Variants in CIT observed in about 807,000 individuals in gnomAD.
The protein encoded by CIT is citron Rho-interacting kinase.
Under a neutral mutation model 272.7 loss-of-function variants are expected in CIT, and 79 were observed. The observed-to-expected ratio is 0.29, with a 90% confidence interval of 0.24 to 0.35. The LOEUF is 0.35. Ranked by LOEUF, CIT falls within the 10% of genes least tolerant of loss-of-function variation. The pLI is 1.00. For missense variants in CIT, 1,909 were observed against 2,618.3 expected (o/e 0.73, Z 5.91); for synonymous variants, 948 against 995.6 (o/e 0.95, Z 0.90).
chr12:119,718,167 T>C lies in CIT; in HGVS notation c.4168+78A>G, dbSNP rs1565934836. On this transcript the variant is annotated intron_variant, in intron 32 of 47. Coordinates refer to ENST00000392521, the MANE Select transcript of CIT (RefSeq NM_001206999.2). The surrounding 1 kb of genome is among the most constrained non-coding windows in gnomAD (Gnocchi z 4.8). ...GACTGACTTTTTAATCTTTAACCCCTAGTATTACTTGTAATTTTTACCATA... is the reference window on the plus strand; with the variant it reads ...GACTGACTTTTTAATCTTTAACCCCCAGTATTACTTGTAATTTTTACCATA... 2.0e-6 allele frequency: 3 copies of C among 1,478,490 alleles called. No homozygotes were observed. Among genetic ancestry groups the C allele is most frequent in the Middle Eastern group, 1.8e-4 (1 of 5,618 alleles). The allele number at this position is 1,478,490 out of a possible 1,614,324, so 91.6% of individuals were successfully genotyped here.
chr12:119,867,707 C>A (rs1310223587), intron 3 of CIT, among the ~76,000 whole-genome samples: 1 of 151,988 alleles, frequency 6.6e-6, no homozygotes, highest in African/African-American at 2.4e-5. Flanking sequence ...CACACCACCA[C>A]CCCCAACTAG....
chr12:119,757,273 T>A, intron 22 of CIT, 98 bp downstream of exon 22: 1 of 1,452,414 alleles, frequency 6.9e-7, no homozygotes, highest in Non-Finnish European at 9.4e-7. Context: ...CCAAGCACAA[T>A]GTCTCTTGTA....
chr12:119,776,891 A>C (rs1475307767), intron 13 of CIT, 49 bp from the exon 14 acceptor site: 2 of 1,580,884 alleles, frequency 1.3e-6, no homozygotes, highest in East Asian at 4.5e-5. Context: ...CTCCGAAAAG[A>C]ATAGACAGGC....
Position 119,713,884 on chromosome 12 carries a change from C to T in CIT, c.4307-236G>A. The T allele has an allele frequency of 3.3e-6, 2 of 610,490 alleles. No individual in the cohort carries two copies. 37.8% of individuals were successfully genotyped at this position (610,490 alleles called of 1,614,324 possible). On this transcript the variant is annotated intron_variant, in intron 33 of 47. Transcript: ENST00000392521. This position sits in a 1 kb window ranked among gnomAD's most constrained non-coding sequence, Gnocchi z 5.2. ...GGCTTCAATCCAGACCGCCCACAAA[C>T]AGGTGTGTAAAGAACACGTTTGCAT...
intron 3 of CIT, among the ~76,000 whole-genome samples, chr12:119,862,314 A>G (rs1950364372): frequency 6.6e-6 from 1 of 151,948 alleles, no homozygotes; most frequent in Non-Finnish European, 1.5e-5. Flanking sequence ...TACGTTTTTA[A>G]ATTTCCATAA....
intron 43 of CIT, among the ~76,000 whole-genome samples, chr12:119,701,212 AGGGGGAGGGGAGGGAGGGGAT>A (rs1565905009): frequency 4.6e-4 from 17 of 37,090 alleles, no homozygotes; most frequent in African/African-American, 1.6e-3. Flanking sequence ...GGGGATGGGG[AGGGGGAGGGGAGGGAGGGGAT>A]GGGGAGGGGG....
At chr12:119,701,785 A>G in intron 42 of CIT, 33 bp from the exon 43 acceptor site, 1 of 1,614,152 alleles carries the variant, frequency 6.2e-7, no homozygotes, top group Non-Finnish European at 8.5e-7. Context: ...GGGCTTCAGG[A>G]GTGAGTTCTG....
chr12:119,875,837 A>G (rs1950826483), intron 2 of CIT, among the ~76,000 whole-genome samples: 1 of 151,972 alleles, frequency 6.6e-6, no homozygotes, highest in African/African-American at 2.4e-5. Context: ...AAAATACAAA[A>G]TTTAGCCGGG....
chr12:119,820,450 T>C (rs931970780), intron 9 of CIT, among the ~76,000 whole-genome samples: 1 of 152,008 alleles, frequency 6.6e-6, no homozygotes, highest in African/African-American at 2.4e-5. Context: ...ACTCGGAGGC[T>C]GAGGCAGAAG....
chr12:119,794,952 A>C (rs1262748797), intron 10 of CIT, among the ~76,000 whole-genome samples: 2 of 152,242 alleles, frequency 1.3e-5, no homozygotes, highest in Admixed American at 6.5e-5. Context: ...GAAAGCAGTG[A>C]AATGTCTCAT....
rs1963048444 is a variant in CIT at position 119,770,819 on chromosome 12, G to A, written c.2174C>T (p.Ser725Phe). The change falls in exon 18 of 48, where the codon TCC becomes TTC. Residue 725 changes from serine to phenylalanine, a missense_variant. By Grantham distance (155) the Ser-to-Phe change is radical. Around this residue, in one of 8 missense-constraint regions of CIT, gnomAD observed 530 missense variants for 822.4 expected, o/e 0.64. Transcript: ENST00000392521. The surrounding 1 kb of genome is among the most constrained non-coding windows in gnomAD (Gnocchi z 4.4). ...NRLKDDIQTK[S>F]QQIQQMADKI... is the part of the protein sequence containing the mutation. ...ATCAGCCATCTGCTGGATCTGTTGGGATTTTGTCTGGATGTCATCCTTCAG... is the reference window on the plus strand; with the variant it reads ...ATCAGCCATCTGCTGGATCTGTTGGAATTTTGTCTGGATGTCATCCTTCAG... The A allele has an allele frequency of 6.2e-7, 1 of 1,612,730 alleles. No homozygotes were observed. Among genetic ancestry groups the A allele is most frequent in the Non-Finnish European group, 8.5e-7 (1 of 1,179,888 alleles).
intron 20 of CIT, among the ~76,000 whole-genome samples, chr12:119,759,538 C>T (rs1158449421): frequency 6.6e-6 from 1 of 152,040 alleles, no homozygotes; most frequent in African/African-American, 2.4e-5. Flanking sequence ...CCCAGCTACT[C>T]GGGAGGCTGA....
At chr12:119,700,215 G>A (rs60465790) in intron 44 of CIT, among the ~76,000 whole-genome samples, 6,497 of 152,292 alleles carry the variant, frequency 0.043, 448 homozygotes, top group African/African-American at 0.15. Flanking sequence ...CCCAGGGCTG[G>A]GACTGTGGGC....
intron 24 of CIT, among the ~76,000 whole-genome samples, chr12:119,740,774 GACA>G (rs1959020645): frequency 6.6e-6 from 1 of 152,062 alleles, no homozygotes; most frequent in African/African-American, 2.4e-5. Context: ...AAGAAACGAA[GACA>G]ACAAGAAACT....
intron 3 of CIT, 62 bp from the exon 4 acceptor site, chr12:119,857,760 G>T: frequency 6.8e-6 from 9 of 1,315,954 alleles, no homozygotes; most frequent in Non-Finnish European, 9.2e-6. Flanking sequence ...GCATCTTTAT[G>T]AAAGAAAAAA....
Position 119,690,269 on chromosome 12 carries a change from G to A in CIT, c.6068C>T (p.Ser2023Phe). Residue 2023 changes from serine (S) to phenylalanine (F), a missense_variant, in exon 47 of 48, where the codon TCC becomes TTC. This residue lies in a region of CIT where 780 missense variants were observed against 1,067.2 expected (regional missense o/e 0.73). Transcript: ENST00000392521. This position sits in a 1 kb window ranked among gnomAD's most constrained non-coding sequence, Gnocchi z 6.0. ...SPGRPLEREKSPGRMLSTRRE... is the reference protein window; with the variant it reads ...SPGRPLEREKFPGRMLSTRRE... ...CCGCGTGCTGAGCATCCGGCCGGGG[G>A]ACTTCTCTCGCTCCAGGGGGCGGCC... The A allele has an allele frequency of 6.3e-7, 1 of 1,577,762 alleles. No homozygotes were observed. The highest frequency in any genetic ancestry group is 8.5e-7 in the Non-Finnish European group (1 of 1,171,372).
intron 16 of CIT, among the ~76,000 whole-genome samples, chr12:119,775,188 G>T (rs1340368731): frequency 6.6e-6 from 1 of 150,418 alleles, no homozygotes; most frequent in Admixed American, 6.6e-5. Context: ...CAAGAGAATC[G>T]CTTCAACCCA....
At chr12:119,742,552 G>T (rs528165400) in intron 23 of CIT, 88 bp from the exon 24 acceptor site, 2 of 962,474 alleles carry the variant, frequency 2.1e-6, no homozygotes, top group East Asian at 2.5e-5. Context: ...ATAGCAATTT[G>T]CCTGGAAAGC....
At chr12:119,749,528 A>G (rs1194494379) in intron 23 of CIT, among the ~76,000 whole-genome samples, 3 of 152,232 alleles carry the variant, frequency 2.0e-5, no homozygotes, top group African/African-American at 7.2e-5. Context: ...AGAAGGGGGA[A>G]GGAAAAGCCC....
Sources: gnomAD v4.1 joint callset for allele counts (sites outside exome capture counted in the v4.1 genomes callset) on GRCh38, gnomAD v4.1.1 for gene constraint, gnomAD v4.1.1 regional missense constraint, Gnocchi (gnomAD v3.1) non-coding constraint, MANE v1.5 for transcripts, NCBI Gene and HGNC (gene_info 2026-07-23, HGNC 2026-07-21) for gene names.